The following BCL11B variants were observed in gnomAD, a reference collection of about 807,000 sequenced individuals.
BCL11B encodes B-cell lymphoma/leukemia 11B.
A neutral mutation model predicts 49.9 loss-of-function variants in BCL11B; 8 were observed. The ratio of observed to expected loss-of-function variants is 0.16; its 90% confidence interval spans 0.09 to 0.29. The LOEUF (loss-of-function observed/expected upper bound fraction) is 0.29. Among genes scored for constraint, BCL11B ranks in the 10% least tolerant of loss-of-function variants. The pLI is 1.00. For synonymous variants in BCL11B, 739 were observed against 637.4 expected (o/e 1.16, Z -2.40); for missense variants, 1,006 against 1,351.0 (o/e 0.74, Z 4.00).
intron 2 of BCL11B, among the ~76,000 whole-genome samples, chr14:99,234,239 C>T (rs1434398430): frequency 1.3e-5 from 2 of 152,082 alleles, no homozygotes; most frequent in Non-Finnish European, 1.5e-5. Context: ...ACAGGAGTGA[C>T]GGCTGCACGA....
At position 99,232,754 on chromosome 14, in the gene BCL11B, A is replaced by G. The variant is rs975898714; in HGVS notation, c.428-1197T>C. 6.6e-6 allele frequency among the ~76,000 whole-genome samples: 1 copy of G among 152,230 alleles called. No homozygotes were observed. The highest frequency in any genetic ancestry group is 2.4e-5 in the African/African-American group (1 of 41,466). On this transcript the variant is annotated intron_variant, in intron 2 of 3. Coordinates refer to ENST00000357195, the MANE Select transcript of BCL11B (RefSeq NM_138576.4). The surrounding 1 kb of genome is among the most constrained non-coding windows in gnomAD (Gnocchi z 5.1). ...CAGGAAACTGATGGCGTGACTGCAG[A>G]AAACTGCAGACATCAGCAGCCCCAT...
rs1479152337 is a variant in BCL11B at position 99,175,667 on chromosome 14, C to T, written c.1169G>A (p.Arg390Gln). The T allele has an allele frequency of 1.3e-6, 2 of 1,554,300 alleles. No individual in the cohort carries two copies. The highest frequency in any genetic ancestry group is 8.6e-7 in the Non-Finnish European group (1 of 1,161,632). The change falls in exon 4 of 4, where the codon CGG becomes CAG. Residue 390 changes from arginine (R) to glutamine (Q), a missense_variant. Coordinates refer to ENST00000357195, the MANE Select transcript of BCL11B (RefSeq NM_138576.4). ...VSPGRGNPMHRLLNPFQPSPK... is the reference protein window; with the variant it reads ...VSPGRGNPMHQLLNPFQPSPK... ...GCTGGGCTGGAAGGGGTTCAGGAGC[C>T]GGTGCATAGGGTTGCCGCGGCCCGG...
chr14:99,248,949 C>T lies in BCL11B; in HGVS notation c.427+8522G>A, dbSNP rs1888923218. 6.6e-6 allele frequency among the ~76,000 whole-genome samples: 1 copy of T among 152,176 alleles called. No individual in the cohort carries two copies. Among genetic ancestry groups the T allele is most frequent in the African/African-American group, 2.4e-5 (1 of 41,434 alleles). On this transcript the variant is annotated intron_variant, in intron 2 of 3. Coordinates refer to ENST00000357195, the MANE Select transcript of BCL11B (RefSeq NM_138576.4). This position sits in a 1 kb window ranked among gnomAD's most constrained non-coding sequence, Gnocchi z 4.7. ...GGTCTCGAGCCAGAGTCCACTGTGCCTGCCTCTCCCCACTCTGGACTCAAC... is the reference window on the plus strand; with the variant it reads ...GGTCTCGAGCCAGAGTCCACTGTGCTTGCCTCTCCCCACTCTGGACTCAAC...
Position 99,242,683 on chromosome 14 carries a change from CCTAA to C in BCL11B, c.428-11130_428-11127del, listed in dbSNP as rs1888706580. 2.6e-5 allele frequency among the ~76,000 whole-genome samples: 4 copies of C among 152,340 alleles called. No individual in the cohort carries two copies. The highest frequency in any genetic ancestry group is 2.0e-4 in the Admixed American group (3 of 15,310). The stretch of plus-strand genomic sequence containing the variant: ...ATACATAAAGAAAGCTTCTGTATTT[CCTAA>C]CTAACAAGACTAATCCAGAGGTTTT... On this transcript the variant is annotated intron_variant, in intron 2 of 3. Coordinates refer to ENST00000357195, the MANE Select transcript of BCL11B (RefSeq NM_138576.4). The surrounding 1 kb of genome is among the most constrained non-coding windows in gnomAD (Gnocchi z 4.4).
chr14:99,271,129 C>T, intron 1 of BCL11B, 32 bp downstream of exon 1: 3 of 1,528,958 alleles, frequency 2.0e-6, no homozygotes, highest in Non-Finnish European at 2.6e-6. Flanking sequence ...GCCCCATCTC[C>T]GGCCCCTCGC....
At position 99,263,682 on chromosome 14, in the gene BCL11B, G is replaced by A. The variant is rs142677378; in HGVS notation, c.59-5843C>T. Among the ~76,000 whole-genome samples, 668 of 152,246 alleles carry A rather than the reference G, an allele frequency of 4.4e-3. 2 individuals are homozygous for A. Among genetic ancestry groups the A allele is most frequent in the African/African-American group, 0.015 (632 of 41,538 alleles). ...CTCAGTTGCTCTATGGAGTCCAACC[G>A]CCTTCTCTCCCCCACTGCACACACC... On this transcript the variant is annotated intron_variant, in intron 1 of 3. Transcript: ENST00000357195.
chr14:99,207,341 C>T (rs1887561431), intron 3 of BCL11B, among the ~76,000 whole-genome samples: 1 of 152,182 alleles, frequency 6.6e-6, no homozygotes, highest in Non-Finnish European at 1.5e-5. Flanking sequence ...CTTTGCAGAC[C>T]TAACTCTCAG....
intron 2 of BCL11B, among the ~76,000 whole-genome samples, chr14:99,239,677 T>C (rs1418037427): frequency 6.6e-6 from 1 of 152,208 alleles, no homozygotes; most frequent in East Asian, 1.9e-4. Context: ...CCACTGTGCC[T>C]GACCTTTGAG....
chr14:99,176,225 G>A, intron 3 of BCL11B, 30 bp from the exon 4 acceptor site: 1 of 1,598,942 alleles, frequency 6.3e-7, no homozygotes, highest in East Asian at 2.2e-5. Context: ...GAAAGGCAGA[G>A]ACAGCGTGAG....
At chr14:99,185,993 G>A (rs902613971) in intron 3 of BCL11B, among the ~76,000 whole-genome samples, 1 of 152,198 alleles carries the variant, frequency 6.6e-6, no homozygotes, top group African/African-American at 2.4e-5. Context: ...CTCTGTGCCA[G>A]GCCCTATGCC....
intron 3 of BCL11B, among the ~76,000 whole-genome samples, chr14:99,225,533 A>C (rs563922250): frequency 2.0e-5 from 3 of 152,214 alleles, no homozygotes; most frequent in Non-Finnish European, 4.4e-5. Context: ...AAAGCGCTGC[A>C]TCCAGCACTG....
At position 99,213,484 on chromosome 14, in the gene BCL11B, G is replaced by A. The variant is rs1245347023; in HGVS notation, c.640+17861C>T. On this transcript the variant is annotated intron_variant, in intron 3 of 3. Coordinates refer to ENST00000357195, the MANE Select transcript of BCL11B (RefSeq NM_138576.4). The surrounding 1 kb of genome is among the most constrained non-coding windows in gnomAD (Gnocchi z 5.1). ...ACTGGTATGACTCATGTTTTTAATA[G>A]AAGAACTTAATTTTCACTTCTGAGG... is the stretch of plus-strand genomic sequence containing the variant. 6.6e-6 allele frequency among the ~76,000 whole-genome samples: 1 copy of A among 152,202 alleles called. No individual in the cohort carries two copies. The highest frequency in any genetic ancestry group is 1.5e-5 in the Non-Finnish European group (1 of 68,040).
At chr14:99,229,090 AGATG>A (rs1313529961) in intron 3 of BCL11B, among the ~76,000 whole-genome samples, 10 of 66,630 alleles carry the variant, frequency 1.5e-4, no homozygotes, top group African/African-American at 5.0e-4. Context: ...ATGGATGGAT[AGATG>A]GATGGATGGA....
chr14:99,204,045 C>T (rs1193395066), intron 3 of BCL11B, among the ~76,000 whole-genome samples: 1 of 152,220 alleles, frequency 6.6e-6, no homozygotes, highest in Non-Finnish European at 1.5e-5. Context: ...TGCCCCCACC[C>T]TAGCCTTCCA....
At chr14:99,245,187 G>A (rs1399513809) in intron 2 of BCL11B, among the ~76,000 whole-genome samples, 1 of 152,164 alleles carries the variant, frequency 6.6e-6, no homozygotes, top group African/African-American at 2.4e-5. Flanking sequence ...ACAATTGGAG[G>A]CCAATTTTTA....
At chr14:99,244,461 A>G (rs1352683803) in intron 2 of BCL11B, among the ~76,000 whole-genome samples, 1 of 152,116 alleles carries the variant, frequency 6.6e-6, no homozygotes, top group Non-Finnish European at 1.5e-5. Context: ...TATTAATCAA[A>G]CACGAGAATC....
chr14:99,223,007 A>G (rs1888057267), intron 3 of BCL11B, among the ~76,000 whole-genome samples: 1 of 152,226 alleles, frequency 6.6e-6, no homozygotes. Flanking sequence ...AATTAGGAAT[A>G]TAAGTATGCA....
chr14:99,176,213 C>G lies in BCL11B; in HGVS notation c.641-18G>C. On this transcript the variant is annotated intron_variant, in intron 3 of 3. Coordinates refer to ENST00000357195, the MANE Select transcript of BCL11B (RefSeq NM_138576.4). ...ATCTTTACCTGGGGAAACACACGGA[C>G]AGAAAGGCAGAGACAGCGTGAGAAG... The G allele has an allele frequency of 6.2e-7, 1 of 1,605,854 alleles. No homozygotes were observed. The highest frequency in any genetic ancestry group is 8.5e-7 in the Non-Finnish European group (1 of 1,176,448).
At chr14:99,182,398 C>T (rs938933946) in intron 3 of BCL11B, among the ~76,000 whole-genome samples, 5 of 152,146 alleles carry the variant, frequency 3.3e-5, no homozygotes, top group South Asian at 2.1e-4. Context: ...TTCTGATAAA[C>T]GCTGGGTCAG....
Sources: allele counts gnomAD v4.1 joint callset (sites outside exome capture counted in the v4.1 genomes callset), GRCh38; gene constraint gnomAD v4.1.1; non-coding constraint Gnocchi (gnomAD v3.1); transcripts MANE v1.5; gene names NCBI Gene and HGNC (gene_info 2026-07-23, HGNC 2026-07-21).